RP1L1: variants seen among roughly 807,000 people sequenced by gnomAD.
The protein encoded by RP1L1 is RP1 like 1.
In RP1L1, 27 loss-of-function variants were observed where a neutral mutation model predicts 15.7. The observed-to-expected ratio is 1.72, with a 90% CI of 1.27 to 2.38. The LOEUF (loss-of-function observed/expected upper bound fraction) is 2.38. Ranked by LOEUF, RP1L1 falls within the 30% of genes most tolerant of loss-of-function variation. The probability of loss-of-function intolerance (pLI) is 0.00; values close to 1 mark genes in which losing one functional copy is unlikely to be tolerated. For synonymous variants in RP1L1, 1,813 were observed against 1,276.7 expected, an observed-to-expected ratio of 1.42 and a Z score of -8.96; for missense variants, 4,798 against 3,075.9, an observed-to-expected ratio of 1.56 and a Z score of -13.24.
chr8:10,652,599 C>T (rs779038845), intron 1 of RP1L1, among the ~76,000 whole-genome samples: 3 of 152,054 alleles, frequency 2.0e-5, no homozygotes, highest in Admixed American at 1.3e-4. Context: ...ACTCTTTGAA[C>T]GAAAGTCTTG....
chr8:10,648,449 G>A (rs1017796923), intron 1 of RP1L1, among the ~76,000 whole-genome samples: 1 of 152,158 alleles, frequency 6.6e-6, no homozygotes, highest in East Asian at 1.9e-4. Context: ...TGTTTATAAA[G>A]TGTCCTAGGC....
At position 10,616,569 on chromosome 8, in the gene RP1L1, G is replaced by A; in HGVS notation, c.628C>T (p.Leu210=). The change falls in exon 3 of 4, where the codon CTG becomes TTG. Residue 210 remains leucine, a synonymous_variant. Coordinates refer to ENST00000382483, the MANE Select transcript of RP1L1 (RefSeq NM_178857.6). ...SGKKVDSLQA[L]LHSPSVLVCA... is the part of the protein sequence containing the mutation. ...ACCAGCACAGAGGGGCTGTGCAGCA[G>A]GGCCTGCAGCGAGTCCACCTGAGGG... is the stretch of plus-strand genomic sequence containing the variant. 6.2e-7 allele frequency: 1 copy of A among 1,613,130 alleles called. No individual in the cohort carries two copies. Among genetic ancestry groups the A allele is most frequent in the Non-Finnish European group, 8.5e-7 (1 of 1,179,876 alleles).
intron 1 of RP1L1, among the ~76,000 whole-genome samples, chr8:10,650,002 A>C (rs1490886983): frequency 6.6e-6 from 1 of 152,180 alleles, no homozygotes; most frequent in Non-Finnish European, 1.5e-5. Flanking sequence ...TCAATTATGC[A>C]GTTCCATTTC....
At position 10,607,209 on chromosome 8, in the gene RP1L1, C is replaced by A. The variant is rs1167715648; in HGVS notation, c.6889G>T (p.Gly2297Cys). ...GAGGATGCTCTGGAGGAGGAAGGGC[C>A]TGTTTGGGAGCCTGGCCTTTGGTGG... ...TPHQRPGSQTGPSSSRASSWG... is the reference protein window; with the variant it reads ...TPHQRPGSQTCPSSSRASSWG... The change falls in exon 4 of 4, where the codon GGC (glycine) becomes TGC (cysteine). Residue 2297 changes from glycine to cysteine, a missense_variant. Gly to Cys is a radical substitution (Grantham distance 159). Coordinates refer to ENST00000382483, the MANE Select transcript of RP1L1 (RefSeq NM_178857.6). 1 of 1,614,020 alleles carries A rather than the reference C, an allele frequency of 6.2e-7. No homozygotes were observed. The highest frequency in any genetic ancestry group is 8.5e-7 in the Non-Finnish European group (1 of 1,179,996).
chr8:10,621,206 T>G (rs886567148), intron 2 of RP1L1: 1 of 154,608 alleles, frequency 6.5e-6, no homozygotes, highest in Non-Finnish European at 1.4e-5. Flanking sequence ...AAGGGTCCAG[T>G]GATAATGCGA....
Position 10,610,897 on chromosome 8 carries a change from G to A in RP1L1, c.3201C>T (p.Gly1067=), listed in dbSNP as rs200462441. The A allele has an allele frequency of 1.9e-4, 313 of 1,610,356 alleles. 1 individual carries two copies. In the Middle Eastern group the frequency reaches 4.1e-3, roughly 21 times the overall value. The change falls in exon 4 of 4, where the codon GGC becomes GGT. Residue 1067 remains glycine (G), a synonymous_variant. Coordinates refer to ENST00000382483, the MANE Select transcript of RP1L1 (RefSeq NM_178857.6). ...EAGADREAPA[G]CRVSLRALPG... ...GAAGTGCCCGCAGGCTCACCCTGCA[G>A]CCTGCTGGGGCCTCTCTGTCTGCTC...
intron 1 of RP1L1, among the ~76,000 whole-genome samples, chr8:10,641,181 T>G (rs949024640): frequency 6.6e-6 from 1 of 152,256 alleles, no homozygotes; most frequent in Admixed American, 6.5e-5. Context: ...TTTGCATGTT[T>G]TCTTGTCCCT....
chr8:10,653,631 A>G (rs1798595265), intron 1 of RP1L1, among the ~76,000 whole-genome samples: 2 of 148,898 alleles, frequency 1.3e-5, no homozygotes, highest in East Asian at 2.0e-4. Flanking sequence ...AAACATACAC[A>G]CTCATGTGCA....
chr8:10,623,334 A>G, intron 1 of RP1L1, 114 bp from the exon 2 acceptor site: 1 of 774,360 alleles, frequency 1.3e-6, no homozygotes, highest in South Asian at 1.9e-5. Flanking sequence ...GCTCCACTCC[A>G]CTATGGAGAG....
chr8:10,649,605 G>A (rs1289832899), intron 1 of RP1L1, among the ~76,000 whole-genome samples: 4 of 152,192 alleles, frequency 2.6e-5, no homozygotes, highest in Non-Finnish European at 5.9e-5. Context: ...CTGGCCAGGT[G>A]CGGTGGCTCA....
chr8:10,622,729 T>C lies in RP1L1; in HGVS notation c.473A>G (p.Lys158Arg), dbSNP rs1337509737. ...CTGCTGGAGGCGAGGGTCCATGTTC[T>C]TAATCAGCAGTATCCTCCGGGGGGT... is the stretch of plus-strand genomic sequence containing the variant. ...LKTPRRILLI[K>R]NMDPRLQQTV... The change falls in exon 2 of 4, where the codon AAG becomes AGG. Residue 158 changes from lysine (K) to arginine (R), a missense_variant. Physicochemically the swap from Lys to Arg is conservative, Grantham distance 26. Coordinates refer to ENST00000382483, the MANE Select transcript of RP1L1 (RefSeq NM_178857.6). 1 of 1,614,178 alleles carries C rather than the reference T, an allele frequency of 6.2e-7. No homozygotes were observed. Among genetic ancestry groups the C allele is most frequent in the Admixed American group, 1.7e-5 (1 of 60,024 alleles).
chr8:10,645,867 A>T (rs1344666255), intron 1 of RP1L1, among the ~76,000 whole-genome samples: 1 of 147,060 alleles, frequency 6.8e-6, no homozygotes, highest in African/African-American at 2.5e-5. Flanking sequence ...TGGCATGACA[A>T]GCATGGCCCT....
chr8:10,647,881 G>C (rs1798502454), intron 1 of RP1L1, among the ~76,000 whole-genome samples: 1 of 152,186 alleles, frequency 6.6e-6, no homozygotes, highest in African/African-American at 2.4e-5. Flanking sequence ...TGGATCCTAT[G>C]ACAATTGTAC....
At chr8:10,643,354 T>C (rs1798433796) in intron 1 of RP1L1, among the ~76,000 whole-genome samples, 1 of 152,080 alleles carries the variant, frequency 6.6e-6, no homozygotes, top group Non-Finnish European at 1.5e-5. Flanking sequence ...AAAAAATTGT[T>C]TTAGTATCAG....
At chr8:10,628,484 C>T (rs529598648) in intron 1 of RP1L1, among the ~76,000 whole-genome samples, 1 of 152,116 alleles carries the variant, frequency 6.6e-6, no homozygotes. Context: ...CCCTCCACCC[C>T]CAGCCCCAGA....
At chr8:10,653,281 C>T (rs772081932) in intron 1 of RP1L1, among the ~76,000 whole-genome samples, 1 of 152,146 alleles carries the variant, frequency 6.6e-6, no homozygotes, top group Admixed American at 6.5e-5. Context: ...TTGAACACTG[C>T]ATGCACAGGC....
chr8:10,626,633 TG>T (rs1439974297), intron 1 of RP1L1, among the ~76,000 whole-genome samples: 1 of 151,588 alleles, frequency 6.6e-6, no homozygotes, highest in Non-Finnish European at 1.5e-5. Context: ...AAAGGAAGAA[TG>T]AAAAAAAGAA....
At chr8:10,637,320 T>A (rs2117251555) in intron 1 of RP1L1, among the ~76,000 whole-genome samples, 1 of 152,330 alleles carries the variant, frequency 6.6e-6, no homozygotes. Flanking sequence ...CTCCAGTATT[T>A]ATCAAATGCA....
intron 1 of RP1L1, among the ~76,000 whole-genome samples, chr8:10,653,326 C>G (rs762763983): frequency 6.6e-6 from 1 of 152,134 alleles, no homozygotes; most frequent in Non-Finnish European, 1.5e-5. Context: ...CTTGTTTAGT[C>G]CAGACCCCTT....
Sources: gnomAD v4.1 joint callset for allele counts (sites outside exome capture counted in the v4.1 genomes callset) on GRCh38, gnomAD v4.1.1 for gene constraint, MANE v1.5 for transcripts, NCBI Gene and HGNC (gene_info 2026-07-23, HGNC 2026-07-21) for gene names.